CDH18: variants seen among roughly 807,000 people sequenced by gnomAD.
CDH18 encodes the protein cadherin 18.
In CDH18, 31 loss-of-function variants were observed where a neutral mutation model predicts 67.9. The ratio of observed to expected loss-of-function variants is 0.46; its 90% CI spans 0.34 to 0.62. CDH18 has a LOEUF of 0.62. Among genes scored for constraint, CDH18 ranks in the 20% least tolerant of loss-of-function variants. CDH18 has a pLI of 0.01. For synonymous variants in CDH18, 362 were observed against 347.2 expected, an observed-to-expected ratio of 1.04 and a Z score of -0.48; for missense variants, 890 against 975.5, an observed-to-expected ratio of 0.91 and a Z score of 1.17.
At chr5:19,669,322 C>G (rs1372297739) in intron 5 of CDH18, among the ~76,000 whole-genome samples, 1 of 149,146 alleles carries the variant, frequency 6.7e-6, no homozygotes, top group African/African-American at 2.5e-5. Context: ...GATGGAGTTT[C>G]ATTCTTCTTG....
At position 20,453,997 on chromosome 5, in the gene CDH18, G is replaced by T. The variant is rs575335090; in HGVS notation, c.-580+121465C>A. Among the ~76,000 whole-genome samples the T allele has an allele frequency of 3.4e-4, 51 of 152,180 alleles. 1 individual carries two copies. In the South Asian group the frequency reaches 0.01, roughly 31 times the overall value. On this transcript the variant is annotated intron_variant, in intron 1 of 14. Transcript: ENST00000507958. ...TAAGTCAGACTACTGTTATGGAAAA[G>T]ACTATATGCTCTTCTGAAGAGGAAT... is the stretch of plus-strand genomic sequence containing the variant.
intron 1 of CDH18, among the ~76,000 whole-genome samples, chr5:20,298,315 T>G (rs888598568): frequency 5.3e-5 from 8 of 152,154 alleles, no homozygotes; most frequent in Non-Finnish European, 1.2e-4. Context: ...TTATATTAAC[T>G]TAGGTAACTT....
chr5:19,891,275 AATTTT>A (rs1380221176), intron 2 of CDH18, among the ~76,000 whole-genome samples: 2 of 152,110 alleles, frequency 1.3e-5, no homozygotes, highest in East Asian at 1.9e-4. Context: ...ACATCAGTAT[AATTTT>A]ATTTATTTCA....
chr5:20,026,344 A>G (rs975507399), intron 2 of CDH18, among the ~76,000 whole-genome samples: 46 of 152,294 alleles, frequency 3.0e-4, no homozygotes, highest in African/African-American at 1.0e-3. Flanking sequence ...TTTCTCAAAT[A>G]TGAGAAAAAT....
chr5:20,420,422 C>T (rs952920798), intron 1 of CDH18, among the ~76,000 whole-genome samples: 1 of 151,000 alleles, frequency 6.6e-6, no homozygotes, highest in African/African-American at 2.5e-5. Flanking sequence ...TGTATTCCAA[C>T]GTTATATTCT....
chr5:20,185,667 T>C (rs1192716591), intron 2 of CDH18, among the ~76,000 whole-genome samples: 2 of 152,080 alleles, frequency 1.3e-5, no homozygotes, highest in East Asian at 1.9e-4. Flanking sequence ...AGGTCTCTGC[T>C]TAAATATTAC....
intron 8 of CDH18, among the ~76,000 whole-genome samples, chr5:19,558,928 A>C (rs528423543): frequency 6.6e-6 from 1 of 152,160 alleles, no homozygotes; most frequent in African/African-American, 2.4e-5. Context: ...GGACAGTTGT[A>C]TATTTCCAGG....
chr5:19,491,413 C>G (rs1401748144), intron 11 of CDH18, among the ~76,000 whole-genome samples: 4 of 152,126 alleles, frequency 2.6e-5, no homozygotes, highest in African/African-American at 9.7e-5. Flanking sequence ...ATTACAACAC[C>G]AGCTGTGAGT....
At chr5:19,527,863 C>T (rs1390879298) in intron 9 of CDH18, among the ~76,000 whole-genome samples, 1 of 151,496 alleles carries the variant, frequency 6.6e-6, no homozygotes, top group East Asian at 1.9e-4. Context: ...GTTCCAGTTG[C>T]CTATAAATCC....
At chr5:19,911,445 C>T (rs1013677989) in intron 2 of CDH18, among the ~76,000 whole-genome samples, 1 of 152,036 alleles carries the variant, frequency 6.6e-6, no homozygotes, top group Non-Finnish European at 1.5e-5. Flanking sequence ...TATCCACACA[C>T]CCTCACCCCC....
rs1474161979 is a variant in CDH18, at chr5:20,016,289, C to G, written c.-517-24275G>C. Among the ~76,000 whole-genome samples the G allele has an allele frequency of 1.3e-5, 2 of 151,888 alleles. 1 individual carries two copies. Among genetic ancestry groups the G allele is most frequent in the South Asian group, 4.1e-4 (2 of 4,826 alleles). On this transcript the variant is annotated intron_variant, in intron 2 of 14. Transcript: ENST00000507958. ...GAACAAGTGGTCACAAAAAGGGGAA[C>G]AACAGACACTGAGACCTTACTTGAA...
chr5:20,168,604 G>T (rs2126638365), intron 2 of CDH18, among the ~76,000 whole-genome samples: 1 of 152,124 alleles, frequency 6.6e-6, no homozygotes, highest in Non-Finnish European at 1.5e-5. Context: ...TGATAAAATA[G>T]ACTATATAAA....
chr5:20,217,133 A>G (rs1256770705), intron 2 of CDH18, among the ~76,000 whole-genome samples: 3 of 151,928 alleles, frequency 2.0e-5, no homozygotes, highest in Non-Finnish European at 4.4e-5. Context: ...TACTACAGAA[A>G]ATGCTAAAGA....
chr5:19,516,308 C>G (rs189930734), intron 10 of CDH18, among the ~76,000 whole-genome samples: 1 of 152,006 alleles, frequency 6.6e-6, no homozygotes, highest in Non-Finnish European at 1.5e-5. Flanking sequence ...GTCTAAAATT[C>G]TCTATTTTTG....
intron 9 of CDH18, among the ~76,000 whole-genome samples, chr5:19,541,756 T>C (rs566447548): frequency 6.6e-6 from 1 of 152,188 alleles, no homozygotes; most frequent in African/African-American, 2.4e-5. Flanking sequence ...TTACCTCCCA[T>C]TGGGTCCCTC....
At chr5:19,854,146 T>C (rs1284459483) in intron 2 of CDH18, among the ~76,000 whole-genome samples, 1 of 152,078 alleles carries the variant, frequency 6.6e-6, no homozygotes, top group East Asian at 1.9e-4. Flanking sequence ...TGGAAGGGCT[T>C]TTAAACATAT....
intron 6 of CDH18, among the ~76,000 whole-genome samples, chr5:19,592,418 A>G (rs16885712): frequency 0.08 from 12,190 of 152,120 alleles, 792 homozygotes; most frequent in East Asian, 0.26. Flanking sequence ...GCAATTTATT[A>G]TAGAAAATTC....
intron 5 of CDH18, among the ~76,000 whole-genome samples, chr5:19,683,352 C>CT (rs1343201938): frequency 7.9e-5 from 12 of 152,118 alleles, no homozygotes; most frequent in African/African-American, 2.9e-4. Context: ...CAGTTGATTA[C>CT]TATTGTCATC....
intron 5 of CDH18, among the ~76,000 whole-genome samples, chr5:19,678,661 A>G (rs750072733): frequency 6.6e-6 from 1 of 151,836 alleles, no homozygotes; most frequent in Non-Finnish European, 1.5e-5. Context: ...TTCCTAGACT[A>G]CTATGAACAC....
Sources: allele counts gnomAD v4.1 joint callset (sites outside exome capture counted in the v4.1 genomes callset), GRCh38; gene constraint gnomAD v4.1.1; transcripts MANE v1.5; gene names NCBI Gene and HGNC (gene_info 2026-07-23, HGNC 2026-07-21).